The following ABHD4 variants were observed in gnomAD, a reference collection of about 807,000 sequenced individuals.
ABHD4 encodes the protein abhydrolase domain containing 4, N-acyl phospholipase B.
A neutral mutation model predicts 42.3 loss-of-function variants in ABHD4; 35 were observed. The observed-to-expected ratio is 0.83, with a 90% confidence interval of 0.63 to 1.10. ABHD4 has a LOEUF of 1.10. ABHD4 is among the 50% of genes least tolerant of loss of function. The pLI, the probability that ABHD4 is intolerant of heterozygous loss-of-function variation, is 0.00. For synonymous variants in ABHD4, 169 were observed against 170.6 expected (o/e 0.99, Z 0.07); for missense variants, 389 against 454.8 (o/e 0.86, Z 1.32).
chr14:22,599,069 C>T (rs2037251995), intron 1 of ABHD4: 2 of 152,290 alleles, frequency 1.3e-5, no homozygotes, highest in Admixed American at 1.3e-4. Context: ...AGCTCCCAGC[C>T]GAGCCTTGGT....
chr14:22,599,820 A>C (rs2037261699), intron 1 of ABHD4, among the ~76,000 whole-genome samples: 1 of 152,182 alleles, frequency 6.6e-6, no homozygotes, highest in Admixed American at 6.5e-5. Flanking sequence ...CAAGCCTACA[A>C]GGAATTCCAG....
intron 5 of ABHD4, among the ~76,000 whole-genome samples, chr14:22,607,731 C>A (rs957003368): frequency 6.6e-6 from 1 of 152,214 alleles, no homozygotes; most frequent in African/African-American, 2.4e-5. Context: ...CTAGCCCTTT[C>A]CCCAGAACTT....
chr14:22,610,282 C>G (rs1333082010), intron 6 of ABHD4, among the ~76,000 whole-genome samples: 2 of 152,154 alleles, frequency 1.3e-5, no homozygotes, highest in African/African-American at 2.4e-5. Flanking sequence ...GTCTCGAACT[C>G]CTGACCTCAC....
At chr14:22,606,759 A>C (rs2037354563) in intron 5 of ABHD4, among the ~76,000 whole-genome samples, 2 of 152,246 alleles carry the variant, frequency 1.3e-5, no homozygotes, top group African/African-American at 4.8e-5. Context: ...CTCTAGAGGA[A>C]GGCCCTCCCT....
In ABHD4 at chr14:22,611,193, C is replaced by T; in HGVS notation, c.*245C>T. The T allele has an allele frequency of 1.0e-5, 5 of 489,478 alleles. No individual in the cohort carries two copies. The highest frequency in any genetic ancestry group is 2.5e-5 in the South Asian group (1 of 40,752). The allele number at this position is 489,478 out of a possible 1,614,324, so 30.3% of individuals were successfully genotyped here. The stretch of plus-strand genomic sequence containing the variant: ...GAAGAACATAAAGGGTTGCACAATG[C>T]CACCCATCCACTCCTTGCCAAGTGT... On this transcript the variant is annotated 3_prime_UTR_variant, in exon 7 of 7. Transcript: ENST00000428304.
chr14:22,602,105 C>T (rs1254762970), intron 2 of ABHD4, among the ~76,000 whole-genome samples: 1 of 152,086 alleles, frequency 6.6e-6, no homozygotes, highest in African/African-American at 2.4e-5. Context: ...CTTCTCACCA[C>T]ACAAGTACTT....
chr14:22,604,119 C>A, intron 4 of ABHD4, 40 bp downstream of exon 4: 2 of 1,602,792 alleles, frequency 1.2e-6, no homozygotes, highest in Non-Finnish European at 1.7e-6. Flanking sequence ...AAGGCTATAA[C>A]GTTCTAGAAG....
rs1594892751 is a variant in ABHD4 at position 22,606,298 on chromosome 14, A to G, written c.641-124A>G. ...TTTCTGCCGCTGTAGTGTTAAATGA[A>G]TAAAGCAAACAAACCCTTAGGAGAA... On this transcript the variant is annotated intron_variant, in intron 4 of 6. Coordinates refer to ENST00000428304, the MANE Select transcript of ABHD4 (RefSeq NM_022060.3). 5 of 690,752 alleles carry G rather than the reference A, an allele frequency of 7.2e-6. No homozygotes were observed. In the East Asian group the frequency reaches 8.2e-5, roughly 11 times the overall value. 42.8% of individuals were successfully genotyped at this position (690,752 alleles called of 1,614,324 possible).
At chr14:22,600,519 G>A (rs2037270023) in intron 1 of ABHD4, among the ~76,000 whole-genome samples, 4 of 152,184 alleles carry the variant, frequency 2.6e-5, no homozygotes, top group Admixed American at 1.3e-4. Context: ...GATGCCCAGT[G>A]TGGGCCAAGG....
Position 22,609,771 on chromosome 14 carries a change from G to A in ABHD4, c.800G>A (p.Arg267Gln), listed in dbSNP as rs373248832. ...ATGATGGAGTCCTTTGGCTGGGCCC[G>A]GCGCCCTATGCTGGAGCGAATTCAC... is the stretch of plus-strand genomic sequence containing the variant. Reference protein sequence around the residue: ...KAMMESFGWARRPMLERIHLI... With the variant: ...KAMMESFGWAQRPMLERIHLI... Residue 267 changes from arginine (R) to glutamine (Q), a missense_variant, in exon 6 of 7, where the codon CGG (arginine) becomes CAG (glutamine). Arg to Gln is a conservative substitution (Grantham distance 43). Coordinates refer to ENST00000428304, the MANE Select transcript of ABHD4 (RefSeq NM_022060.3). 2.9e-5 allele frequency: 47 copies of A among 1,614,004 alleles called. No homozygotes were observed. The highest frequency in any genetic ancestry group is 3.7e-5 in the Non-Finnish European group (44 of 1,180,032).
Position 22,610,995 on chromosome 14 carries a change from C to G in ABHD4, c.*47C>G. On this transcript the variant is annotated 3_prime_UTR_variant, in exon 7 of 7. Coordinates refer to ENST00000428304, the MANE Select transcript of ABHD4 (RefSeq NM_022060.3). ...GGAGAAAGCCAGAGAGTCACTCTTA[C>G]CTCCCTGTCTGCTTACTCACCCACT... 1 of 1,538,478 alleles carries G rather than the reference C, an allele frequency of 6.5e-7. No individual in the cohort carries two copies.
chr14:22,607,463 A>G (rs2037362298), intron 5 of ABHD4, among the ~76,000 whole-genome samples: 1 of 152,202 alleles, frequency 6.6e-6, no homozygotes, highest in Non-Finnish European at 1.5e-5. Context: ...GCCATGAGAA[A>G]GGCAGAGATT....
In ABHD4 at chr14:22,603,735, C is replaced by T; in HGVS notation, c.458C>T (p.Thr153Ile). Residue 153 changes from threonine (T) to isoleucine (I), a missense_variant, in exon 3 of 7, where the codon ACT becomes ATT. Coordinates refer to ENST00000428304, the MANE Select transcript of ABHD4 (RefSeq NM_022060.3). ...CACAGTTTGGGAGGATTCCTGGCCA[C>T]TTCTTACTCAATCAAGTACCCTGAT... ...LGHSLGGFLA[T>I]SYSIKYPDRV... 6.3e-7 allele frequency: 1 copy of T among 1,589,166 alleles called. No individual in the cohort carries two copies. The highest frequency in any genetic ancestry group is 8.6e-7 in the Non-Finnish European group (1 of 1,166,364).
chr14:22,602,926 G>A (rs2037303144), intron 2 of ABHD4, among the ~76,000 whole-genome samples: 1 of 152,138 alleles, frequency 6.6e-6, no homozygotes, highest in South Asian at 2.1e-4. Flanking sequence ...GCATGGTGAG[G>A]GGGGTCAGTG....
At chr14:22,605,446 G>GA (rs1167609554) in intron 4 of ABHD4, among the ~76,000 whole-genome samples, 3 of 152,038 alleles carry the variant, frequency 2.0e-5, no homozygotes, top group Non-Finnish European at 2.9e-5. Flanking sequence ...TCCAGATAAA[G>GA]AAAAAAAGCA....
chr14:22,610,148 C>G (rs547894949), intron 6 of ABHD4, among the ~76,000 whole-genome samples: 2 of 152,144 alleles, frequency 1.3e-5, no homozygotes, highest in African/African-American at 4.8e-5. Flanking sequence ...ACCTCCGCCT[C>G]CCGGGTTCAA....
chr14:22,610,063 C>CTT (rs140776429), intron 6 of ABHD4, among the ~76,000 whole-genome samples, 153 bp downstream of exon 6: 7 of 149,578 alleles, frequency 4.7e-5, no homozygotes, highest in Non-Finnish European at 8.9e-5. Context: ...TTTGGAATAT[C>CTT]TTTTTTTTTT....
intron 6 of ABHD4, among the ~76,000 whole-genome samples, chr14:22,610,130 T>C (rs932394605): frequency 4.6e-5 from 7 of 152,086 alleles, no homozygotes; most frequent in Admixed American, 1.3e-4. Context: ...CAATCTCGGC[T>C]CACTGCAACC....
At chr14:22,605,802 G>A in intron 4 of ABHD4, 2 of 1,289,088 alleles carry the variant, frequency 1.6e-6, no homozygotes, top group Non-Finnish European at 2.0e-6. Flanking sequence ...AGACCAGAGA[G>A]AAAGAGAGAG....
Sources: allele counts gnomAD v4.1 joint callset (sites outside exome capture counted in the v4.1 genomes callset), GRCh38; gene constraint gnomAD v4.1.1; transcripts MANE v1.5; gene names NCBI Gene and HGNC (gene_info 2026-07-23, HGNC 2026-07-21).